NUP98: variants seen among roughly 807,000 people sequenced by gnomAD.
NUP98 encodes nucleoporin 98 and 96 precursor, also known as nuclear pore complex protein Nup98-Nup96.
Under a neutral mutation model 191.9 loss-of-function variants are expected in NUP98, and 26 were observed. The observed-to-expected ratio is 0.14, with a 90% confidence interval of 0.10 to 0.19. NUP98 has a LOEUF of 0.19. Ranked by LOEUF, NUP98 falls within the 10% of genes least tolerant of loss-of-function variation. The pLI, the probability that NUP98 is intolerant of heterozygous loss-of-function variation, is 1.00. For synonymous variants in NUP98, 808 were observed against 778.4 expected (o/e 1.04, Z -0.63); for missense variants, 1,941 against 2,178.8 (o/e 0.89, Z 2.17).
At chr11:3,727,265 G>A (rs1323545923) in intron 14 of NUP98, among the ~76,000 whole-genome samples, 2 of 151,914 alleles carry the variant, frequency 1.3e-5, no homozygotes, top group African/African-American at 4.8e-5. Flanking sequence ...AGGCCAGCCC[G>A]GGCAACACAG....
intron 25 of NUP98, chr11:3,698,879 C>A (rs2078593321): frequency 1.6e-6 from 1 of 607,570 alleles, no homozygotes; most frequent in Non-Finnish European, 2.8e-6. Flanking sequence ...CTGTTTAGGA[C>A]CTTAAACATT....
intron 8 of NUP98, among the ~76,000 whole-genome samples, chr11:3,764,925 T>C (rs1482396248): frequency 6.6e-6 from 1 of 152,202 alleles, no homozygotes; most frequent in Non-Finnish European, 1.5e-5. Context: ...AAAGTGGTTA[T>C]CTCATTTTGG....
At chr11:3,704,947 T>A (rs991448004) in intron 22 of NUP98, among the ~76,000 whole-genome samples, 1 of 152,222 alleles carries the variant, frequency 6.6e-6, no homozygotes, top group Non-Finnish European at 1.5e-5. Context: ...AGTTCAAGGC[T>A]GTAGTAAGTG....
chr11:3,779,391 C>A, intron 2 of NUP98, 134 bp from the exon 3 acceptor site: 1 of 782,534 alleles, frequency 1.3e-6, no homozygotes, highest in Non-Finnish European at 2.1e-6. Flanking sequence ...CCTGTAATCC[C>A]AGCACTTTGG....
chr11:3,794,321 GTTTCT>G (rs778383042), intron 1 of NUP98, among the ~76,000 whole-genome samples: 7 of 151,932 alleles, frequency 4.6e-5, no homozygotes, highest in Non-Finnish European at 7.4e-5. Flanking sequence ...GTTTTGTTTT[GTTTCT>G]TTTCTTTTTT....
chr11:3,773,465 A>T (rs566055324), intron 6 of NUP98, among the ~76,000 whole-genome samples, 167 bp downstream of exon 6: 114 of 152,258 alleles, frequency 7.5e-4, no homozygotes, highest in Non-Finnish European at 1.4e-3. Context: ...ACAAGTAGAT[A>T]TCTATAAATA....
intron 1 of NUP98, among the ~76,000 whole-genome samples, chr11:3,783,208 A>G (rs1024348541): frequency 6.6e-6 from 1 of 152,076 alleles, no homozygotes; most frequent in Non-Finnish European, 1.5e-5. Context: ...CCTGGGCAAC[A>G]TGGTGAAACC....
At chr11:3,739,278 C>T (rs1462721205) in intron 12 of NUP98, among the ~76,000 whole-genome samples, 1 of 152,052 alleles carries the variant, frequency 6.6e-6, no homozygotes, top group East Asian at 1.9e-4. Context: ...GAGACAGAGT[C>T]TTGCTGTGTC....
In NUP98 at chr11:3,771,792, T is replaced by C; in HGVS notation, c.740A>G (p.Asn247Ser). The change falls in exon 7 of 33, where the codon AAT (asparagine) becomes AGT (serine). Residue 247 changes from asparagine (N) to serine (S), a missense_variant. By Grantham distance (46) the Asn-to-Ser change is conservative (BLOSUM62 1). This residue lies in a region of NUP98 where 181 missense variants were observed against 228.0 expected (regional missense o/e 0.79). Transcript: ENST00000324932. ...GTTCTGACCATATGCAAAGCCTGAA[T>C]TAGTGGTGGAGGAGCTGAAGAGTCC... is the stretch of plus-strand genomic sequence containing the variant. Reference protein sequence around the residue: ...ATGLFSSSTTNSGFAYGQNKT... With the variant: ...ATGLFSSSTTSSGFAYGQNKT... 2 of 1,614,160 alleles carry C rather than the reference T, an allele frequency of 1.2e-6. No individual in the cohort carries two copies. Among genetic ancestry groups the C allele is most frequent in the Non-Finnish European group, 8.5e-7 (1 of 1,180,022 alleles).
intron 7 of NUP98, 136 bp downstream of exon 7, chr11:3,771,612 G>C (rs2081534823): frequency 8.6e-6 from 6 of 701,188 alleles, no homozygotes; most frequent in Non-Finnish European, 1.4e-5. Flanking sequence ...CATACATCCA[G>C]GCATTCCTCC....
rs550377289 is a variant in NUP98, at chr11:3,683,136, C to T, written c.4918+64G>A. On this transcript the variant is annotated intron_variant, in intron 30 of 32. Transcript: ENST00000324932. Reference sequence around the variant, plus strand: ...AGTCTTATTTCCAGTCTGACCCCATCATGGAGGTTCAGAGGTTGGAGGAAT... The same window carrying T: ...AGTCTTATTTCCAGTCTGACCCCATTATGGAGGTTCAGAGGTTGGAGGAAT... 75 of 1,598,700 alleles carry T rather than the reference C, an allele frequency of 4.7e-5. No individual in the cohort carries two copies. The Admixed American group carries it at 8.5e-4, about 18-fold the overall frequency.
At chr11:3,676,452 A>G (rs1589938595) in intron 32 of NUP98, 57 bp downstream of exon 32, 1 of 1,602,810 alleles carries the variant, frequency 6.2e-7, no homozygotes, top group East Asian at 2.2e-5. Context: ...GTGGGGTGTA[A>G]TAATCATAAA....
chr11:3,703,819 A>T (rs1432957922), intron 22 of NUP98, among the ~76,000 whole-genome samples: 2 of 151,998 alleles, frequency 1.3e-5, no homozygotes, highest in African/African-American at 2.4e-5. Flanking sequence ...ACAGTTCTTT[A>T]AAAAAAAATT....
intron 27 of NUP98, among the ~76,000 whole-genome samples, chr11:3,692,592 C>T (rs926758103): frequency 6.8e-6 from 1 of 147,888 alleles, no homozygotes; most frequent in African/African-American, 2.5e-5. Flanking sequence ...GAGACTCCAT[C>T]TCAAAAAAAA....
At chr11:3,774,795 T>G (rs1237010877) in intron 5 of NUP98, among the ~76,000 whole-genome samples, 2 of 152,216 alleles carry the variant, frequency 1.3e-5, no homozygotes, top group African/African-American at 2.4e-5. Flanking sequence ...CGATTCCTGC[T>G]GGTATTGCCA....
chr11:3,714,461 C>T (rs1343690433), intron 18 of NUP98, among the ~76,000 whole-genome samples: 3 of 152,166 alleles, frequency 2.0e-5, no homozygotes, highest in African/African-American at 7.2e-5. Flanking sequence ...TGTACCACTT[C>T]TAATATTAAT....
At chr11:3,795,116 G>A (rs1472805997) in intron 1 of NUP98, among the ~76,000 whole-genome samples, 3 of 152,062 alleles carry the variant, frequency 2.0e-5, no homozygotes, top group Non-Finnish European at 4.4e-5. Flanking sequence ...AATTCTACTT[G>A]CTCTTAGTTA....
At chr11:3,776,405 G>GT (rs1419618084) in intron 4 of NUP98, among the ~76,000 whole-genome samples, 9 of 152,106 alleles carry the variant, frequency 5.9e-5, no homozygotes, top group African/African-American at 2.2e-4. Flanking sequence ...GATTACAGGT[G>GT]TGAGCCACTG....
chr11:3,712,217 G>A, intron 20 of NUP98: 30 of 1,090,448 alleles, frequency 2.8e-5, no homozygotes, highest in Non-Finnish European at 3.3e-5. Context: ...ACATCAGGTA[G>A]TCAATAAAGG....
Sources: gnomAD v4.1 joint callset for allele counts (sites outside exome capture counted in the v4.1 genomes callset) on GRCh38, gnomAD v4.1.1 for gene constraint, gnomAD v4.1.1 regional missense constraint, MANE v1.5 for transcripts, NCBI Gene and HGNC (gene_info 2026-07-23, HGNC 2026-07-21) for gene names.